The following CEP128 variants were observed in gnomAD, a reference collection of about 807,000 sequenced individuals.
CEP128 encodes the protein centrosomal protein 128.
Under a neutral mutation model 156.7 loss-of-function variants are expected in CEP128, and 132 were observed. The ratio of observed to expected loss-of-function variants is 0.84; its 90% CI spans 0.73 to 0.97. The LOEUF (loss-of-function observed/expected upper bound fraction) is 0.97. Ranked by LOEUF, CEP128 falls within the 50% of genes least tolerant of loss-of-function variation. CEP128 has a pLI of 0.00. For missense variants in CEP128, 1,252 were observed against 1,281.9 expected (o/e 0.98, Z 0.36); for synonymous variants, 469 against 448.9 (o/e 1.04, Z -0.57).
intron 19 of CEP128, among the ~76,000 whole-genome samples, chr14:80,588,867 G>A (rs140490780): frequency 3.3e-5 from 5 of 152,130 alleles, no homozygotes; most frequent in Non-Finnish European, 4.4e-5. Flanking sequence ...CTCCAGGTGG[G>A]CAAATGGCTT....
intron 21 of CEP128, among the ~76,000 whole-genome samples, chr14:80,542,250 T>TA (rs1889797753): frequency 6.6e-6 from 1 of 152,232 alleles, no homozygotes; most frequent in Non-Finnish European, 1.5e-5. Flanking sequence ...ATGATATTTT[T>TA]ACCTATATTT....
chr14:80,543,402 C>A (rs2290168), intron 21 of CEP128, among the ~76,000 whole-genome samples: 17,736 of 152,150 alleles, frequency 0.12, 1,339 homozygotes, highest in East Asian at 0.34. Context: ...GAAGTTAGAG[C>A]AATATATTTT....
Position 80,707,661 on chromosome 14 carries a change from T to C in CEP128, c.2806+35414A>G, listed in dbSNP as rs1379539489. ...TGAGGTCATACTGATACAATTCAAA[T>C]TTACTACTACATGATTTTTACTTAA... is the stretch of plus-strand genomic sequence containing the variant. On this transcript the variant is annotated intron_variant, in intron 19 of 24. Transcript: ENST00000555265. Among the ~76,000 whole-genome samples, 3 of 152,292 alleles carry C rather than the reference T, an allele frequency of 2.0e-5. No homozygotes were observed. In the East Asian group the frequency reaches 5.8e-4, roughly 29 times the overall value.
chr14:80,781,906 GTTGA>G (rs1425894186), intron 15 of CEP128, among the ~76,000 whole-genome samples: 5 of 152,280 alleles, frequency 3.3e-5, no homozygotes, highest in Admixed American at 3.3e-4. Flanking sequence ...TGACCATTGT[GTTGA>G]TTATTATACA....
At chr14:80,721,427 G>A (rs188466234) in intron 19 of CEP128, among the ~76,000 whole-genome samples, 3 of 152,126 alleles carry the variant, frequency 2.0e-5, no homozygotes, top group Non-Finnish European at 2.9e-5. Context: ...TGGAATTCAG[G>A]TGTGCTCTAA....
intron 19 of CEP128, among the ~76,000 whole-genome samples, chr14:80,581,324 A>G (rs1702015109): frequency 6.6e-6 from 1 of 152,180 alleles, no homozygotes; most frequent in Admixed American, 6.5e-5. Context: ...CCAAGAGACT[A>G]TGTTACATAA....
chr14:80,761,977 A>C (rs1246201583), intron 16 of CEP128, among the ~76,000 whole-genome samples: 1 of 152,160 alleles, frequency 6.6e-6, no homozygotes, highest in Non-Finnish European at 1.5e-5. Flanking sequence ...CTTTCACTGA[A>C]CATTAGTAAA....
Position 80,914,403 on chromosome 14 carries a change from G to C in CEP128, c.153C>G (p.Thr51=). ...GGTCCACTTGTCGCAGGTTCCGACT[G>C]GTATCCTTGAGAAAGAAAATGGACT... ...VNTITSTLQD[T]SRNLRQVDQM... is the part of the protein sequence containing the mutation. Residue 51 remains threonine (T), a synonymous_variant, in exon 4 of 25, where the codon ACC becomes ACG. Coordinates refer to ENST00000555265, the MANE Select transcript of CEP128 (RefSeq NM_152446.5). 1.2e-6 allele frequency: 2 copies of C among 1,612,166 alleles called. No individual in the cohort carries two copies. Among genetic ancestry groups the C allele is most frequent in the South Asian group, 1.1e-5 (1 of 91,000 alleles).
intron 13 of CEP128, among the ~76,000 whole-genome samples, chr14:80,829,918 T>C (rs1163885036): frequency 6.6e-6 from 1 of 152,136 alleles, no homozygotes; most frequent in Non-Finnish European, 1.5e-5. Context: ...TTCCAATGTA[T>C]ACCATGATGG....
intron 19 of CEP128, among the ~76,000 whole-genome samples, chr14:80,680,801 T>C (rs1182267350): frequency 6.6e-6 from 1 of 152,134 alleles, no homozygotes; most frequent in Non-Finnish European, 1.5e-5. Flanking sequence ...GACCAGACAC[T>C]GGATTCTCTC....
At chr14:80,648,350 A>G (rs1894750803) in intron 19 of CEP128, among the ~76,000 whole-genome samples, 1 of 152,162 alleles carries the variant, frequency 6.6e-6, no homozygotes, top group Non-Finnish European at 1.5e-5. Context: ...TTGGTAGAAT[A>G]TTGAGAAAGG....
chr14:80,604,248 C>T (rs567536213), intron 19 of CEP128, among the ~76,000 whole-genome samples: 101 of 152,172 alleles, frequency 6.6e-4, no homozygotes, highest in Non-Finnish European at 1.2e-3. Context: ...AAATAGATTC[C>T]ACCTGTGTTG....
Position 80,526,855 on chromosome 14 carries a change from AT to A in CEP128, c.3072+13del. On this transcript the variant is annotated intron_variant, in intron 23 of 24. Transcript: ENST00000555265. ...TACTACTTAAAGACTAAAAAAGTAT[AT>A]AAAGAAAATTACTTTGAAACTTTTG... The A allele has an allele frequency of 6.9e-7, 1 of 1,444,470 alleles. No homozygotes were observed. The highest frequency in any genetic ancestry group is 1.2e-5 in the South Asian group (1 of 85,858). 89.5% of individuals were successfully genotyped at this position (1,444,470 alleles called of 1,614,324 possible).
In CEP128 at chr14:80,584,557, C is replaced by A. The variant is rs925886245; in HGVS notation, c.2807-4134G>T. On this transcript the variant is annotated intron_variant, in intron 19 of 24. Coordinates refer to ENST00000555265, the MANE Select transcript of CEP128 (RefSeq NM_152446.5). ...CCCACACCATTGCTGTATGCCACTGCTCACTCGTTAGGTGCATTGTTCAAG... is the reference window on the plus strand; with the variant it reads ...CCCACACCATTGCTGTATGCCACTGATCACTCGTTAGGTGCATTGTTCAAG... Among the ~76,000 whole-genome samples the A allele has an allele frequency of 3.2e-4, 49 of 152,134 alleles. 1 individual carries two copies. Among genetic ancestry groups the A allele is most frequent in the African/African-American group, 1.0e-3 (42 of 41,424 alleles).
chr14:80,828,011 T>C (rs1434767846), intron 13 of CEP128, among the ~76,000 whole-genome samples: 1 of 152,140 alleles, frequency 6.6e-6, no homozygotes, highest in Non-Finnish European at 1.5e-5. Flanking sequence ...TGAAACATGA[T>C]GTCTCCACCA....
At chr14:80,540,467 T>A in intron 21 of CEP128, among the ~76,000 whole-genome samples, 1 of 152,114 alleles carries the variant, frequency 6.6e-6, no homozygotes, top group East Asian at 1.9e-4. Flanking sequence ...CGGGAATGAA[T>A]AGTGAAGAGC....
intron 19 of CEP128, among the ~76,000 whole-genome samples, chr14:80,729,122 TGTGTG>T (rs1285316460): frequency 3.2e-4 from 33 of 104,056 alleles, no homozygotes; most frequent in African/African-American, 8.2e-4. Context: ...TGTGTGTGTG[TGTGTG>T]TTTACCCAGT....
In CEP128 at chr14:80,893,478, C is replaced by T. The variant is rs1009126995; in HGVS notation, c.645+2240G>A. Among the ~76,000 whole-genome samples, 9 of 145,458 alleles carry T rather than the reference C, an allele frequency of 6.2e-5. No homozygotes were observed. The South Asian group carries it at 8.9e-4, about 14-fold the overall frequency. On this transcript the variant is annotated intron_variant, in intron 8 of 24. Transcript: ENST00000555265. ...ATATGGGATTCATGCTAAGTAAGTA[C>T]ATTTTAGCTGTTCTTGCCACAAACC...
intron 20 of CEP128, among the ~76,000 whole-genome samples, chr14:80,579,021 G>A (rs1891476189): frequency 6.6e-6 from 1 of 152,064 alleles, no homozygotes; most frequent in South Asian, 2.1e-4. Context: ...CATTTGAGAG[G>A]CAACACAGGC....
Sources: gnomAD v4.1 joint callset for allele counts (sites outside exome capture counted in the v4.1 genomes callset) on GRCh38, gnomAD v4.1.1 for gene constraint, MANE v1.5 for transcripts, NCBI Gene and HGNC (gene_info 2026-07-23, HGNC 2026-07-21) for gene names.